The following SLC35F1 variants were observed in gnomAD, a reference collection of about 807,000 sequenced individuals.
SLC35F1 encodes solute carrier family 35 member F1.
Under a neutral mutation model 48.7 loss-of-function variants are expected in SLC35F1, and 14 were observed. The ratio of observed to expected loss-of-function variants is 0.29; its 90% CI spans 0.19 to 0.45. The LOEUF (loss-of-function observed/expected upper bound fraction) is 0.45, where lower values mean the gene tolerates loss of function less well. SLC35F1 is among the 20% of genes least tolerant of loss of function. The pLI, the probability that SLC35F1 is intolerant of heterozygous loss-of-function variation, is 1.00. For missense variants in SLC35F1, 404 were observed against 500.0 expected (o/e 0.81, Z 1.83); for synonymous variants, 190 against 202.2 (o/e 0.94, Z 0.51).
At chr6:117,919,245 G>C (rs1466398477) in intron 1 of SLC35F1, among the ~76,000 whole-genome samples, 1 of 152,120 alleles carries the variant, frequency 6.6e-6, no homozygotes, top group Non-Finnish European at 1.5e-5. Flanking sequence ...TGGTCCACTG[G>C]AGTGATGGTG....
intron 6 of SLC35F1, 91 bp downstream of exon 6, chr6:118,277,637 G>A: frequency 2.6e-6 from 3 of 1,165,278 alleles, no homozygotes; most frequent in Non-Finnish European, 3.9e-6. Context: ...CAAACAAGGA[G>A]GGGATTTAGA....
intron 7 of SLC35F1, among the ~76,000 whole-genome samples, chr6:118,308,394 A>G (rs1377414070): frequency 1.3e-5 from 2 of 152,222 alleles, no homozygotes; most frequent in African/African-American, 4.8e-5. Flanking sequence ...TTTCCCAGGA[A>G]TAATGTGCCT....
intron 1 of SLC35F1, among the ~76,000 whole-genome samples, chr6:117,940,959 G>T (rs575455971): frequency 6.6e-6 from 1 of 152,158 alleles, no homozygotes; most frequent in African/African-American, 2.4e-5. Flanking sequence ...CAAAGATGTG[G>T]TTTTTTAGAT....
intron 7 of SLC35F1, among the ~76,000 whole-genome samples, chr6:118,286,973 A>T (rs1163658939): frequency 6.6e-6 from 1 of 152,122 alleles, no homozygotes; most frequent in East Asian, 1.9e-4. Flanking sequence ...TCCCCCAACA[A>T]GTTCCTATTT....
At chr6:117,928,832 G>A (rs1776062568) in intron 1 of SLC35F1, among the ~76,000 whole-genome samples, 1 of 152,062 alleles carries the variant, frequency 6.6e-6, no homozygotes, top group Admixed American at 6.6e-5. Flanking sequence ...TACTACAAAG[G>A]GGTTGGAGAA....
intron 1 of SLC35F1, among the ~76,000 whole-genome samples, chr6:117,927,393 T>C (rs915715317): frequency 6.6e-6 from 1 of 152,134 alleles, no homozygotes; most frequent in African/African-American, 2.4e-5. Flanking sequence ...TTTCTAATAA[T>C]CTTTGATCCT....
At chr6:118,184,466 A>C (rs1774628446) in intron 2 of SLC35F1, among the ~76,000 whole-genome samples, 1 of 152,186 alleles carries the variant, frequency 6.6e-6, no homozygotes, top group Non-Finnish European at 1.5e-5. Context: ...CTTCTGAGTA[A>C]GCAACCAATG....
At chr6:118,023,264 C>A (rs1218460371) in intron 1 of SLC35F1, among the ~76,000 whole-genome samples, 2 of 152,108 alleles carry the variant, frequency 1.3e-5, no homozygotes, top group African/African-American at 4.8e-5. Context: ...GACACAAATG[C>A]AAAACGAAAA....
At chr6:118,289,216 G>A (rs1776088145) in intron 7 of SLC35F1, among the ~76,000 whole-genome samples, 2 of 152,108 alleles carry the variant, frequency 1.3e-5, no homozygotes, top group Non-Finnish European at 2.9e-5. Flanking sequence ...TCCATGGTGT[G>A]GATATGCCAC....
intron 1 of SLC35F1, among the ~76,000 whole-genome samples, chr6:118,129,153 G>A (rs1283973796): frequency 6.6e-6 from 1 of 152,178 alleles, no homozygotes; most frequent in African/African-American, 2.4e-5. Flanking sequence ...TGGTAAATAA[G>A]TAAGCAAATG....
rs997829274 is a variant in SLC35F1 at position 118,198,038 on chromosome 6, T to C, written c.350-37471T>C. 5.3e-5 allele frequency among the ~76,000 whole-genome samples: 8 copies of C among 152,230 alleles called. No individual in the cohort carries two copies. The East Asian group carries it at 1.5e-3, about 29-fold the overall frequency. ...ATATCATTGATACTCTGCTTCTGAA[T>C]GCTTGTCCCCTGAAATATTTAGGTG... On this transcript the variant is annotated intron_variant, in intron 2 of 7. Transcript: ENST00000360388.
intron 3 of SLC35F1, among the ~76,000 whole-genome samples, chr6:118,266,567 C>A (rs969702929): frequency 6.6e-6 from 1 of 152,060 alleles, no homozygotes; most frequent in African/African-American, 2.4e-5. Flanking sequence ...CATTATAAGA[C>A]CTCTGCACCC....
At position 118,225,550 on chromosome 6, in the gene SLC35F1, A is replaced by T. The variant is rs201294232; in HGVS notation, c.350-9959A>T. ...AACTATGAAAGCACTAGAAGAAAAC[A>T]TTGGGGAAATATTCCAGGACGTTGC... On this transcript the variant is annotated intron_variant, in intron 2 of 7. Coordinates refer to ENST00000360388, the MANE Select transcript of SLC35F1 (RefSeq NM_001029858.4). 2.0e-5 allele frequency among the ~76,000 whole-genome samples: 3 copies of T among 152,338 alleles called. No individual in the cohort carries two copies. In the East Asian group the frequency reaches 5.8e-4, roughly 29 times the overall value.
chr6:118,235,178 C>G (rs949862906), intron 2 of SLC35F1, among the ~76,000 whole-genome samples: 1 of 152,126 alleles, frequency 6.6e-6, no homozygotes, highest in African/African-American at 2.4e-5. Flanking sequence ...GTTTATGCAG[C>G]CTTTCTGGTA....
chr6:118,259,718 C>A lies in SLC35F1; in HGVS notation c.478-7277C>A, dbSNP rs78752766. 4.2e-3 allele frequency among the ~76,000 whole-genome samples: 617 copies of A among 146,046 alleles called. 8 individuals carry two copies. The highest frequency in any genetic ancestry group is 0.015 in the African/African-American group (584 of 39,964). Reference sequence around the variant, plus strand: ...ATAGCAAAAATCAAAAAAAAAAATACAGTAACAAATGTTGATAGGATAAAG... The same window carrying A: ...ATAGCAAAAATCAAAAAAAAAAATAAAGTAACAAATGTTGATAGGATAAAG... On this transcript the variant is annotated intron_variant, in intron 3 of 7. Coordinates refer to ENST00000360388, the MANE Select transcript of SLC35F1 (RefSeq NM_001029858.4).
chr6:117,923,762 T>TATACAC (rs1775969774), intron 1 of SLC35F1, among the ~76,000 whole-genome samples: 1 of 2,804 alleles, frequency 3.6e-4, no homozygotes. Context: ...TATATACATA[T>TATACAC]GCACATACAT....
chr6:117,923,678 C>T lies in SLC35F1; in HGVS notation c.173+15779C>T, dbSNP rs1301195677. Among the ~76,000 whole-genome samples the T allele has an allele frequency of 7.1e-4, 15 of 20,988 alleles. 1 individual carries two copies. Among genetic ancestry groups the T allele is most frequent in the African/African-American group, 2.5e-3 (13 of 5,166 alleles). The allele number at this position is 20,988 out of a possible 152,430, so 13.8% of individuals were successfully genotyped here. A position where few individuals can be genotyped will look rare whatever the true frequency, so the allele number is the denominator to read the frequency against. On this transcript the variant is annotated intron_variant, in intron 1 of 7. Coordinates refer to ENST00000360388, the MANE Select transcript of SLC35F1 (RefSeq NM_001029858.4). Reference sequence around the variant, plus strand: ...ACATATGTATATATACATATATGTACATATATACATATGTACATATACATA... The same window carrying T: ...ACATATGTATATATACATATATGTATATATATACATATGTACATATACATA...
At chr6:117,973,996 C>T (rs1237227870) in intron 1 of SLC35F1, among the ~76,000 whole-genome samples, 1 of 152,226 alleles carries the variant, frequency 6.6e-6, no homozygotes, top group East Asian at 1.9e-4. Flanking sequence ...ATATCCAGGC[C>T]CAGTACCCTG....
chr6:117,952,000 G>A (rs139365119), intron 1 of SLC35F1, among the ~76,000 whole-genome samples: 1 of 152,374 alleles, frequency 6.6e-6, no homozygotes, highest in Non-Finnish European at 1.5e-5. Context: ...AGTTGTGGCT[G>A]CCAGCCGGCA....
Sources: gnomAD v4.1 joint callset for allele counts (sites outside exome capture counted in the v4.1 genomes callset) on GRCh38, gnomAD v4.1.1 for gene constraint, MANE v1.5 for transcripts, NCBI Gene and HGNC (gene_info 2026-07-23, HGNC 2026-07-21) for gene names.